The following TMEM243 variants were observed in gnomAD, a reference collection of about 807,000 sequenced individuals.
TMEM243 encodes MDR1 and mitochondrial taxol resistance associated.
Under a neutral mutation model 15.0 loss-of-function variants are expected in TMEM243, and 20 were observed. The ratio of observed to expected loss-of-function variants is 1.33; its 90% CI spans 0.94 to 1.93. The LOEUF (loss-of-function observed/expected upper bound fraction) is 1.93, where lower values mean the gene tolerates loss of function less well. Among genes scored for constraint, TMEM243 ranks in the 30% most tolerant of loss-of-function variants. The pLI is 0.00. For synonymous variants in TMEM243, 72 were observed against 52.7 expected (o/e 1.37, Z -1.59); for missense variants, 156 against 142.1 (o/e 1.10, Z -0.50).
At chr7:87,214,606 T>C (rs7798341) in intron 1 of TMEM243, among the ~76,000 whole-genome samples, 13 of 152,130 alleles carry the variant, frequency 8.5e-5, no homozygotes, top group Non-Finnish European at 1.8e-4. Flanking sequence ...TCACCAACTA[T>C]AGTCACAATG....
chr7:87,210,785 T>C (rs73210230), intron 1 of TMEM243, among the ~76,000 whole-genome samples: 5,693 of 152,294 alleles, frequency 0.037, 128 homozygotes, highest in East Asian at 0.065. Context: ...AGGCATACAA[T>C]GCAATCCATA....
chr7:87,215,908 G>A (rs919499590), intron 1 of TMEM243, among the ~76,000 whole-genome samples: 2 of 152,128 alleles, frequency 1.3e-5, no homozygotes, highest in Non-Finnish European at 2.9e-5. Context: ...AGAGGCTGAG[G>A]TGGGAGGATC....
rs538946840 is a variant in TMEM243 at position 87,209,177 on chromosome 7, G to A, written c.79-10120C>T. On this transcript the variant is annotated intron_variant, in intron 1 of 3. Transcript: ENST00000257637. ...TACTAGAAAGAACTACCTGAGACTG[G>A]GTAATTTATAAAGAAAAGAGGTTTA... Among the ~76,000 whole-genome samples the A allele has an allele frequency of 3.3e-5, 5 of 152,226 alleles. No individual in the cohort carries two copies. The South Asian group carries it at 8.3e-4, about 25-fold the overall frequency.
chr7:87,196,567 T>C lies in TMEM243; in HGVS notation c.*69A>G, dbSNP rs1367670025. On this transcript the variant is annotated 3_prime_UTR_variant, in exon 4 of 4. Transcript: ENST00000257637. ...GCAGGAGATTCTTCAGCATACCTTA[T>C]CCAAAAATTACTCACTGTCCTAATG... 6.7e-7 allele frequency: 1 copy of C among 1,497,548 alleles called. No individual in the cohort carries two copies. The highest frequency in any genetic ancestry group is 9.0e-7 in the Non-Finnish European group (1 of 1,112,238). The allele number at this position is 1,497,548 out of a possible 1,614,324, so 92.8% of individuals were successfully genotyped here.
In TMEM243 at chr7:87,197,717, A is replaced by G. The variant is rs10480417; in HGVS notation, c.234+224T>C. 5 of 251,402 alleles carry G rather than the reference A, an allele frequency of 2.0e-5. No homozygotes were observed. The East Asian group carries it at 7.5e-4, about 38-fold the overall frequency. The allele number at this position is 251,402 out of a possible 1,614,324, so 15.6% of individuals were successfully genotyped here. Reference sequence around the variant, plus strand: ...TTTTTTTTTTTTTTTTTTTTTTTTTAAGCTATCAAGGGAGTGGAATTTCTC... The same window carrying G: ...TTTTTTTTTTTTTTTTTTTTTTTTTGAGCTATCAAGGGAGTGGAATTTCTC... On this transcript the variant is annotated intron_variant, in intron 3 of 3. Coordinates refer to ENST00000257637, the MANE Select transcript of TMEM243 (RefSeq NM_024315.4).
rs184059498 is a variant in TMEM243, at chr7:87,196,737, C to T, written c.256G>A (p.Asp86Asn). ...AGCTTTCTAAATTTCGGTTCTAAGT[C>T]TCCTTGTCGATACCAGTAGATCTAA... ...CILIYWYRQG[D>N]LEPKFRKLIY... Residue 86 changes from aspartate to asparagine, a missense_variant, in exon 4 of 4, where the codon GAC becomes AAC. Asp to Asn is a conservative substitution (Grantham distance 23, BLOSUM62 1). Transcript: ENST00000257637. 1.6e-4 allele frequency: 259 copies of T among 1,588,766 alleles called. No homozygotes were observed. The highest frequency in any genetic ancestry group is 6.8e-4 in the Admixed American group (40 of 58,526).
At chr7:87,207,030 C>T (rs923006594) in intron 1 of TMEM243, among the ~76,000 whole-genome samples, 5 of 152,242 alleles carry the variant, frequency 3.3e-5, no homozygotes, top group Non-Finnish European at 7.3e-5. Flanking sequence ...CAACAGGTCA[C>T]GGTCTGCCAG....
At position 87,219,422 on chromosome 7, in the gene TMEM243, T is replaced by C. The variant is rs746870447; in HGVS notation, c.78+4A>G. On this transcript the variant is annotated splice_donor_region_variant and intron_variant, in intron 1 of 3. Transcript: ENST00000257637. The stretch of plus-strand genomic sequence containing the variant: ...CCCAGTCTGGAGTCACAATCCGCAC[T>C]CACCTTGGCGGACGTCTCCCCAAAC... 17 of 1,614,066 alleles carry C rather than the reference T, an allele frequency of 1.1e-5. No individual in the cohort carries two copies. Among genetic ancestry groups the C allele is most frequent in the Non-Finnish European group, 1.4e-5 (17 of 1,179,926 alleles).
chr7:87,203,399 G>A (rs1481349498), intron 1 of TMEM243, among the ~76,000 whole-genome samples: 8 of 152,078 alleles, frequency 5.3e-5, no homozygotes, highest in Non-Finnish European at 1.0e-4. Context: ...GATCACTTGA[G>A]TTCAGGGATT....
chr7:87,203,394 C>G (rs904845972), intron 1 of TMEM243, among the ~76,000 whole-genome samples: 13 of 152,182 alleles, frequency 8.5e-5, no homozygotes, highest in African/African-American at 3.1e-4. Context: ...GGGAGGATCA[C>G]TTGAGTTCAG....
At chr7:87,206,767 G>C (rs1802252135) in intron 1 of TMEM243, among the ~76,000 whole-genome samples, 1 of 152,244 alleles carries the variant, frequency 6.6e-6, no homozygotes, top group South Asian at 2.1e-4. Context: ...CTGTGAATTA[G>C]TGGGAACTAC....
chr7:87,199,812 A>G (rs1197735432), intron 1 of TMEM243, among the ~76,000 whole-genome samples: 2 of 152,206 alleles, frequency 1.3e-5, no homozygotes, highest in East Asian at 1.9e-4. Context: ...GTTAGAAGCA[A>G]TTTTGAAACC....
intron 3 of TMEM243, among the ~76,000 whole-genome samples, chr7:87,196,978 TC>T (rs996046205): frequency 2.6e-5 from 4 of 152,024 alleles, no homozygotes; most frequent in East Asian, 1.9e-4. Flanking sequence ...CAGTTTACTT[TC>T]CTCTATATTC....
intron 1 of TMEM243, among the ~76,000 whole-genome samples, chr7:87,207,048 G>A (rs947297391): frequency 2.6e-5 from 4 of 152,340 alleles, no homozygotes; most frequent in South Asian, 4.1e-4. Flanking sequence ...CAGCCACAAA[G>A]GTGCAACACC....
chr7:87,219,286 A>G (rs989139716), intron 1 of TMEM243, 140 bp downstream of exon 1: 3 of 773,378 alleles, frequency 3.9e-6, no homozygotes, highest in African/African-American at 3.5e-5. Context: ...AAACATCTTG[A>G]GAGGGAAGTG....
rs1274841401 is a variant in TMEM243, at chr7:87,207,591, G to A, written c.79-8534C>T. The stretch of plus-strand genomic sequence containing the variant: ...CACCTGGGCCACAGAGCGAGACTCC[G>A]TCTCAAAAAAAAAAAAAGAAAAGCA... On this transcript the variant is annotated intron_variant, in intron 1 of 3. Transcript: ENST00000257637. Among the ~76,000 whole-genome samples the A allele has an allele frequency of 4.8e-4, 2 of 4,178 alleles. 1 individual carries two copies. The highest frequency in any genetic ancestry group is 1.7e-3 in the African/African-American group (2 of 1,210). 2.7% of individuals were successfully genotyped at this position (4,178 alleles called of 152,430 possible). A position where few individuals can be genotyped will look rare whatever the true frequency, so the allele number is the denominator to read the frequency against.
chr7:87,211,016 G>T (rs535282008), intron 1 of TMEM243, among the ~76,000 whole-genome samples: 14 of 152,332 alleles, frequency 9.2e-5, no homozygotes, highest in African/African-American at 3.4e-4. Context: ...GTGACACAGG[G>T]CACTGGAGTC....
chr7:87,209,116 G>A (rs183893460), intron 1 of TMEM243, among the ~76,000 whole-genome samples: 3 of 152,322 alleles, frequency 2.0e-5, no homozygotes, highest in East Asian at 3.8e-4. Flanking sequence ...CAGGTTCCCA[G>A]TCCTACCCTT....
At chr7:87,209,220 C>T (rs574866757) in intron 1 of TMEM243, among the ~76,000 whole-genome samples, 38 of 152,058 alleles carry the variant, frequency 2.5e-4, no homozygotes, top group Non-Finnish European at 4.3e-4. Flanking sequence ...AACAGTTCCA[C>T]ATGGCTGGGG....
Sources: gnomAD v4.1 joint callset for allele counts (sites outside exome capture counted in the v4.1 genomes callset) on GRCh38, gnomAD v4.1.1 for gene constraint, MANE v1.5 for transcripts, NCBI Gene and HGNC (gene_info 2026-07-23, HGNC 2026-07-21) for gene names.